The following FAM135B variants were observed in gnomAD, a reference collection of about 807,000 sequenced individuals.
FAM135B encodes the protein protein FAM135B.
FAM135B carries 43 observed loss-of-function variants against 127.7 expected under a neutral mutation model. The ratio of observed to expected loss-of-function variants is 0.34; its 90% confidence interval spans 0.26 to 0.43. FAM135B has a LOEUF of 0.43. Among genes scored for constraint, FAM135B ranks in the 20% least tolerant of loss-of-function variants. The probability of loss-of-function intolerance (pLI) is 1.00; values close to 1 mark genes in which losing one functional copy is unlikely to be tolerated. For synonymous variants in FAM135B, 670 were observed against 665.1 expected, an observed-to-expected ratio of 1.01 and a Z score of -0.11; for missense variants, 1,558 against 1,725.6, an observed-to-expected ratio of 0.90 and a Z score of 1.72.
intron 1 of FAM135B, among the ~76,000 whole-genome samples, chr8:138,454,340 G>T (rs1417202214): frequency 1.3e-5 from 2 of 152,036 alleles, no homozygotes; most frequent in South Asian, 4.1e-4. Flanking sequence ...TCCTTCATTC[G>T]TCAAATGGAA....
At chr8:138,208,714 C>T (rs1817904071) in intron 7 of FAM135B, among the ~76,000 whole-genome samples, 1 of 152,114 alleles carries the variant, frequency 6.6e-6, no homozygotes, top group Admixed American at 6.5e-5. Flanking sequence ...AGTTCTTTGC[C>T]ATCATAAAGC....
chr8:138,238,478 G>T (rs572438203), intron 7 of FAM135B, among the ~76,000 whole-genome samples: 2 of 152,242 alleles, frequency 1.3e-5, no homozygotes, highest in South Asian at 4.1e-4. Context: ...TGTCAAAGGT[G>T]CTGTAGGAAA....
At chr8:138,405,726 C>A in intron 1 of FAM135B, among the ~76,000 whole-genome samples, 1 of 152,024 alleles carries the variant, frequency 6.6e-6, no homozygotes, top group East Asian at 1.9e-4. Context: ...TGGGTATATA[C>A]CCAGTAATGG....
intron 2 of FAM135B, among the ~76,000 whole-genome samples, chr8:138,318,800 G>C (rs902338643): frequency 6.6e-6 from 1 of 152,126 alleles, no homozygotes; most frequent in South Asian, 2.1e-4. Flanking sequence ...TACTTTATAG[G>C]AATAGGGTGA....
At chr8:138,299,608 C>CA (rs1825731863) in intron 3 of FAM135B, among the ~76,000 whole-genome samples, 3 of 141,692 alleles carry the variant, frequency 2.1e-5, no homozygotes, top group African/African-American at 8.1e-5. Context: ...CACACACACA[C>CA]CCACGATCCA....
intron 1 of FAM135B, among the ~76,000 whole-genome samples, chr8:138,462,150 C>T (rs1282897626): frequency 6.6e-6 from 1 of 152,002 alleles, no homozygotes; most frequent in Non-Finnish European, 1.5e-5. Flanking sequence ...TATTGCATAT[C>T]TATGTAATAT....
chr8:138,168,071 G>C (rs1820105699), intron 11 of FAM135B, 22 bp from the exon 12 acceptor site: 12 of 1,601,948 alleles, frequency 7.5e-6, no homozygotes, highest in African/African-American at 2.7e-5. Context: ...ATGGCAGGGT[G>C]AGCGTCCAGG....
chr8:138,240,262 A>C (rs1586855534), intron 7 of FAM135B, among the ~76,000 whole-genome samples: 1 of 152,346 alleles, frequency 6.6e-6, no homozygotes, highest in South Asian at 2.1e-4. Flanking sequence ...GCATTGTAAC[A>C]GTCTCCGAGA....
intron 7 of FAM135B, among the ~76,000 whole-genome samples, chr8:138,226,184 T>TGTGTGTGTGTGTGTGTGC: frequency 2.9e-5 from 4 of 139,288 alleles, no homozygotes; most frequent in African/African-American, 1.1e-4. Flanking sequence ...TGTGTGTGTG[T>TGTGTGTGTGTGTGTGTGC]GCGCGCATGT....
At chr8:138,187,606 T>A (rs1467068273) in intron 9 of FAM135B, among the ~76,000 whole-genome samples, 1 of 152,222 alleles carries the variant, frequency 6.6e-6, no homozygotes, top group East Asian at 1.9e-4. Context: ...AGCCCCCATA[T>A]GATATATATA....
chr8:138,316,526 C>T (rs1315181835), intron 2 of FAM135B, among the ~76,000 whole-genome samples: 1 of 152,072 alleles, frequency 6.6e-6, no homozygotes, highest in Non-Finnish European at 1.5e-5. Flanking sequence ...AAAAAAACCA[C>T]AATGAGATGC....
intron 1 of FAM135B, among the ~76,000 whole-genome samples, chr8:138,487,699 A>G (rs1815036897): frequency 6.6e-6 from 1 of 152,044 alleles, no homozygotes; most frequent in African/African-American, 2.4e-5. Flanking sequence ...ACTGAAGTTT[A>G]AAACACACTT....
At chr8:138,426,459 T>C (rs967888532) in intron 1 of FAM135B, among the ~76,000 whole-genome samples, 46 of 151,454 alleles carry the variant, frequency 3.0e-4, no homozygotes, top group Non-Finnish European at 5.2e-4. Flanking sequence ...ATTACACAAC[T>C]GTGCCATTCT....
chr8:138,153,276 T>A (rs1818358857), intron 12 of FAM135B, 60 bp from the exon 13 acceptor site: 2 of 1,328,648 alleles, frequency 1.5e-6, no homozygotes, highest in Non-Finnish European at 2.0e-6. Context: ...TTACAAGTTA[T>A]CCAAATGTCT....
At chr8:138,203,264 CA>C (rs1374577765) in intron 7 of FAM135B, among the ~76,000 whole-genome samples, 1 of 152,088 alleles carries the variant, frequency 6.6e-6, no homozygotes, top group Non-Finnish European at 1.5e-5. Context: ...GATGGCTTCC[CA>C]AGCTGTCACA....
At chr8:138,321,082 A>G (rs1827421197) in intron 2 of FAM135B, among the ~76,000 whole-genome samples, 1 of 152,178 alleles carries the variant, frequency 6.6e-6, no homozygotes, top group South Asian at 2.1e-4. Flanking sequence ...TCCGCAAAGC[A>G]AGGTTGGAAA....
chr8:138,325,224 T>C (rs991306003), intron 2 of FAM135B, among the ~76,000 whole-genome samples: 3 of 152,168 alleles, frequency 2.0e-5, no homozygotes, highest in Non-Finnish European at 4.4e-5. Context: ...TCCAATCAAA[T>C]TGTGTTTAAA....
chr8:138,196,607 C>T (rs767947993), intron 8 of FAM135B, among the ~76,000 whole-genome samples: 1 of 152,222 alleles, frequency 6.6e-6, no homozygotes, highest in Non-Finnish European at 1.5e-5. Context: ...GTCAAAACCA[C>T]AGTTATCTCA....
At chr8:138,301,030 T>C (rs1429147761) in intron 3 of FAM135B, among the ~76,000 whole-genome samples, 1 of 152,156 alleles carries the variant, frequency 6.6e-6, no homozygotes, top group Non-Finnish European at 1.5e-5. Flanking sequence ...GATTAAGGCA[T>C]GAGCCACTGC....
Sources: allele counts gnomAD v4.1 joint callset (sites outside exome capture counted in the v4.1 genomes callset), GRCh38; gene constraint gnomAD v4.1.1; transcripts MANE v1.5; gene names NCBI Gene and HGNC (gene_info 2026-07-23, HGNC 2026-07-21).